The following MGAT4C variants were observed in gnomAD, a reference collection of about 807,000 sequenced individuals.
MGAT4C encodes the protein MGAT4 family member C.
MGAT4C carries 19 observed loss-of-function variants against 40.1 expected under a neutral mutation model. The observed-to-expected ratio is 0.47, with a 90% CI of 0.33 to 0.70. The LOEUF (loss-of-function observed/expected upper bound fraction) is 0.70. MGAT4C is among the 30% of genes least tolerant of loss of function. MGAT4C has a pLI of 0.02. For missense variants in MGAT4C, 491 were observed against 563.2 expected (o/e 0.87, Z 1.30); for synonymous variants, 181 against 187.1 (o/e 0.97, Z 0.27).
intron 4 of MGAT4C, among the ~76,000 whole-genome samples, chr12:86,332,412 G>A (rs1954689845): frequency 6.7e-6 from 1 of 148,808 alleles, no homozygotes; most frequent in African/African-American, 2.5e-5. Context: ...TATTTGCCAA[G>A]TATCTCTCAA....
chr12:85,982,535 T>C (rs1203673404), intron 4 of MGAT4C, among the ~76,000 whole-genome samples: 3 of 152,202 alleles, frequency 2.0e-5, no homozygotes, highest in Non-Finnish European at 4.4e-5. Flanking sequence ...TCAGGCTGCA[T>C]ACTAAAATCA....
intron 3 of MGAT4C, among the ~76,000 whole-genome samples, chr12:86,428,834 TTTTA>T (rs763516143): frequency 1.5e-4 from 23 of 152,200 alleles, no homozygotes; most frequent in Non-Finnish European, 2.8e-4. Flanking sequence ...TCATTTCTGA[TTTTA>T]TTTGAGTTTT....
At position 86,770,951 on chromosome 12, in the gene MGAT4C, A is replaced by G. The variant is rs559097092; in HGVS notation, c.-261-43710T>C. Among the ~76,000 whole-genome samples the G allele has an allele frequency of 1.5e-4, 23 of 152,222 alleles. 1 individual carries two copies. In the East Asian group the frequency reaches 3.7e-3, roughly 24 times the overall value. On this transcript the variant is annotated intron_variant, in intron 1 of 7. Coordinates refer to the MGAT4C transcript ENST00000548651. ...TCATATGTTGAGTTCATAACTGTCA[A>G]TACCTCAGAATGTAATTGTATTTGG...
chr12:85,993,240 A>C (rs1053700505), intron 2 of MGAT4C, among the ~76,000 whole-genome samples: 7 of 152,212 alleles, frequency 4.6e-5, no homozygotes, highest in Admixed American at 2.0e-4. Context: ...ACTGAAAAGC[A>C]GGGAATCCTG....
intron 2 of MGAT4C, among the ~76,000 whole-genome samples, chr12:86,586,700 A>T (rs926195093): frequency 2.7e-5 from 4 of 146,506 alleles, no homozygotes; most frequent in African/African-American, 5.0e-5. Context: ...TCTGATGGCC[A>T]GTGATGGTGA....
At chr12:86,304,566 GA>G (rs1378170568) in intron 4 of MGAT4C, among the ~76,000 whole-genome samples, 1 of 150,590 alleles carries the variant, frequency 6.6e-6, no homozygotes, top group Non-Finnish European at 1.5e-5. Context: ...TTCAAAATGG[GA>G]AATATACCAA....
At chr12:86,511,370 G>A (rs2136348337) in intron 2 of MGAT4C, among the ~76,000 whole-genome samples, 1 of 152,180 alleles carries the variant, frequency 6.6e-6, no homozygotes, top group East Asian at 1.9e-4. Flanking sequence ...CGTTTTCAGT[G>A]CATAAGTCTC....
chr12:86,656,549 G>C (rs1213900441), intron 2 of MGAT4C, among the ~76,000 whole-genome samples: 1 of 152,016 alleles, frequency 6.6e-6, no homozygotes, highest in Non-Finnish European at 1.5e-5. Context: ...CCAGGTTTCT[G>C]AACTGGAATA....
intron 1 of MGAT4C, among the ~76,000 whole-genome samples, chr12:86,054,962 C>T (rs1425414133): frequency 6.6e-6 from 1 of 151,952 alleles, no homozygotes; most frequent in Non-Finnish European, 1.5e-5. Flanking sequence ...TTTTCTTCAG[C>T]AAACTTATTT....
intron 3 of MGAT4C, among the ~76,000 whole-genome samples, chr12:86,422,091 T>C (rs1457769453): frequency 6.6e-6 from 1 of 152,194 alleles, no homozygotes; most frequent in African/African-American, 2.4e-5. Context: ...GACAGAATGA[T>C]ACAGATTGAC....
intron 3 of MGAT4C, among the ~76,000 whole-genome samples, chr12:86,370,127 G>A (rs377450559): frequency 9.4e-4 from 143 of 152,124 alleles, no homozygotes; most frequent in African/African-American, 3.0e-3. Flanking sequence ...ATTCAAAAGC[G>A]ATTATTGAGC....
chr12:86,586,321 G>A (rs1381419339), intron 2 of MGAT4C, among the ~76,000 whole-genome samples: 1 of 81,444 alleles, frequency 1.2e-5, no homozygotes, highest in Admixed American at 1.6e-4. Context: ...TGGTGTATAT[G>A]TGCCACATTT....
At chr12:86,810,735 T>C (rs1254863967) in intron 1 of MGAT4C, among the ~76,000 whole-genome samples, 1 of 151,944 alleles carries the variant, frequency 6.6e-6, no homozygotes. Flanking sequence ...TTCTAATATT[T>C]TGAGATTCCT....
intron 1 of MGAT4C, among the ~76,000 whole-genome samples, chr12:86,217,277 C>T (rs990546847): frequency 6.6e-6 from 1 of 152,152 alleles, no homozygotes; most frequent in African/African-American, 2.4e-5. Context: ...CAGGCTCAAG[C>T]GAGTCTCCTG....
intron 2 of MGAT4C, among the ~76,000 whole-genome samples, chr12:86,699,837 T>C (rs1225695339): frequency 6.6e-6 from 1 of 152,084 alleles, no homozygotes; most frequent in Non-Finnish European, 1.5e-5. Flanking sequence ...CTCATTGTCT[T>C]CACATTGAGT....
At chr12:86,652,517 T>TA (rs1346916502) in intron 2 of MGAT4C, among the ~76,000 whole-genome samples, 1 of 151,898 alleles carries the variant, frequency 6.6e-6, no homozygotes, top group Non-Finnish European at 1.5e-5. Context: ...TGAGAATGAA[T>TA]ACCTGATTCT....
intron 2 of MGAT4C, among the ~76,000 whole-genome samples, chr12:86,512,304 T>C (rs1209274804): frequency 6.6e-6 from 1 of 152,108 alleles, no homozygotes; most frequent in African/African-American, 2.4e-5. Context: ...TTGTACACTA[T>C]TGTTGGGAAA....
intron 4 of MGAT4C, among the ~76,000 whole-genome samples, chr12:86,278,804 T>G (rs1294606053): frequency 1.3e-5 from 2 of 152,220 alleles, no homozygotes; most frequent in African/African-American, 4.8e-5. Context: ...TGATACTAGC[T>G]GCAACTCTGT....
At chr12:86,740,603 G>A (rs533594559) in intron 1 of MGAT4C, among the ~76,000 whole-genome samples, 2 of 151,244 alleles carry the variant, frequency 1.3e-5, no homozygotes, top group Admixed American at 1.3e-4. Flanking sequence ...AGAGTTGTTT[G>A]TACAGTAGAA....
Sources: allele counts gnomAD v4.1 joint callset (sites outside exome capture counted in the v4.1 genomes callset), GRCh38; gene constraint gnomAD v4.1.1; transcripts MANE v1.5; gene names NCBI Gene and HGNC (gene_info 2026-07-23, HGNC 2026-07-21).